RIT2: variants seen among roughly 807,000 people sequenced by gnomAD.
RIT2 encodes the protein GTP-binding protein Rit2.
In RIT2, 24 loss-of-function variants were observed where a neutral mutation model predicts 23.7. That is an observed-to-expected ratio of 1.01 (90% CI 0.73 to 1.43). RIT2 has a LOEUF of 1.43. Among genes scored for constraint, RIT2 ranks in the 40% most tolerant of loss-of-function variants. RIT2 has a pLI of 0.00. For missense variants in RIT2, 236 were observed against 266.9 expected (o/e 0.88, Z 0.81); for synonymous variants, 107 against 91.1 (o/e 1.17, Z -0.99).
intron 4 of RIT2, among the ~76,000 whole-genome samples, chr18:42,810,147 G>T (rs56117100): frequency 1.3e-5 from 2 of 149,192 alleles, no homozygotes; most frequent in Non-Finnish European, 3.0e-5. Flanking sequence ...CCAAAATCCC[G>T]AGAATAACTG....
chr18:43,095,281 G>A (rs1190217087), intron 1 of RIT2, among the ~76,000 whole-genome samples: 1 of 151,966 alleles, frequency 6.6e-6, no homozygotes, highest in East Asian at 1.9e-4. Flanking sequence ...TTATCTCATT[G>A]TGGTTTTGAT....
chr18:43,028,024 C>T (rs915022105), intron 2 of RIT2, among the ~76,000 whole-genome samples: 1 of 152,034 alleles, frequency 6.6e-6, no homozygotes, highest in African/African-American at 2.4e-5. Flanking sequence ...CAGAAAAAAG[C>T]AGGCATGTTT....
chr18:42,855,538 A>T (rs1000558738), intron 4 of RIT2, among the ~76,000 whole-genome samples: 1 of 152,200 alleles, frequency 6.6e-6, no homozygotes, highest in Non-Finnish European at 1.5e-5. Context: ...TCATCTATTC[A>T]CTTGACCCAA....
intron 4 of RIT2, among the ~76,000 whole-genome samples, chr18:42,877,276 C>T (rs960352362): frequency 1.3e-5 from 2 of 151,344 alleles, no homozygotes; most frequent in Non-Finnish European, 3.0e-5. Context: ...ATGTTTTATT[C>T]CTGCTCTATT....
chr18:42,938,873 G>A (rs1030605112), intron 3 of RIT2, among the ~76,000 whole-genome samples: 1 of 152,030 alleles, frequency 6.6e-6, no homozygotes, highest in African/African-American at 2.4e-5. Context: ...TGAGTAGCTA[G>A]GACTACAGTC....
intron 2 of RIT2, among the ~76,000 whole-genome samples, chr18:42,988,020 A>G (rs1332020005): frequency 6.6e-6 from 1 of 152,168 alleles, no homozygotes; most frequent in Non-Finnish European, 1.5e-5. Context: ...TTTCAACATG[A>G]TATTTGGAAG....
chr18:42,765,533 C>G (rs934545658), intron 4 of RIT2, among the ~76,000 whole-genome samples: 1 of 152,126 alleles, frequency 6.6e-6, no homozygotes, highest in Non-Finnish European at 1.5e-5. Flanking sequence ...TTTAAGACAG[C>G]CAACTTTCTG....
intron 1 of RIT2, among the ~76,000 whole-genome samples, chr18:43,073,011 T>A (rs1336851103): frequency 6.6e-6 from 1 of 152,152 alleles, no homozygotes; most frequent in Non-Finnish European, 1.5e-5. Flanking sequence ...TTTCAACGGA[T>A]CCCATGTGTC....
At position 43,034,350 on chromosome 18, in the gene RIT2, C is replaced by T. The variant is rs148324458; in HGVS notation, c.104-483G>A. 3.3e-3 allele frequency among the ~76,000 whole-genome samples: 499 copies of T among 152,156 alleles called. 1 individual carries two copies. Among genetic ancestry groups the T allele is most frequent in the Non-Finnish European group, 5.2e-3 (352 of 67,976 alleles). ...TACATTATTTTTGTCTTTAACTGTTCAAAATTAAAATTATTTCAGTTACTT... is the reference window on the plus strand; with the variant it reads ...TACATTATTTTTGTCTTTAACTGTTTAAAATTAAAATTATTTCAGTTACTT... On this transcript the variant is annotated intron_variant, in intron 1 of 4. Coordinates refer to ENST00000326695, the MANE Select transcript of RIT2 (RefSeq NM_002930.4).
At chr18:42,828,935 G>A (rs191841298) in intron 4 of RIT2, among the ~76,000 whole-genome samples, 95 of 152,252 alleles carry the variant, frequency 6.2e-4, no homozygotes, top group East Asian at 3.9e-4. Flanking sequence ...AGGCTCTTTG[G>A]ACAGGGCACA....
In RIT2 at chr18:43,114,598, T is replaced by C. The variant is rs1914025316; in HGVS notation, c.103+819A>G. 2.0e-5 allele frequency among the ~76,000 whole-genome samples: 3 copies of C among 152,140 alleles called. No individual in the cohort carries two copies. In the South Asian group the frequency reaches 6.2e-4, roughly 31 times the overall value. The stretch of plus-strand genomic sequence containing the variant: ...TATAAAAAGCTATATTTATTTATTT[T>C]CTAGTGATAGCCATAGCTCCGAGCT... On this transcript the variant is annotated intron_variant, in intron 1 of 4. Coordinates refer to ENST00000326695, the MANE Select transcript of RIT2 (RefSeq NM_002930.4).
intron 4 of RIT2, among the ~76,000 whole-genome samples, chr18:42,902,532 A>T (rs1908504161): frequency 1.3e-5 from 2 of 151,524 alleles, no homozygotes; most frequent in African/African-American, 4.8e-5. Flanking sequence ...TTTTTTATAT[A>T]TTGTTTAATC....
intron 1 of RIT2, among the ~76,000 whole-genome samples, chr18:43,082,490 G>A (rs1036716521): frequency 2.6e-5 from 4 of 152,112 alleles, no homozygotes; most frequent in African/African-American, 7.2e-5. Flanking sequence ...TAAAATACTG[G>A]CAAACTGAAT....
chr18:43,058,682 T>C (rs765303999), intron 1 of RIT2, among the ~76,000 whole-genome samples: 2 of 151,948 alleles, frequency 1.3e-5, no homozygotes, highest in African/African-American at 2.4e-5. Context: ...AGCCCAGGAG[T>C]TCGAGACCAG....
At chr18:42,802,234 C>T (rs997677356) in intron 4 of RIT2, among the ~76,000 whole-genome samples, 11 of 151,964 alleles carry the variant, frequency 7.2e-5, no homozygotes, top group Non-Finnish European at 1.6e-4. Flanking sequence ...AGTAAAAATG[C>T]CAAGATGCTT....
At chr18:42,846,842 A>T (rs1191678672) in intron 4 of RIT2, among the ~76,000 whole-genome samples, 1 of 152,148 alleles carries the variant, frequency 6.6e-6, no homozygotes, top group Non-Finnish European at 1.5e-5. Flanking sequence ...TTTAATGTTA[A>T]AACTTTATTT....
intron 4 of RIT2, among the ~76,000 whole-genome samples, chr18:42,858,447 G>A (rs1907243569): frequency 6.6e-6 from 1 of 152,130 alleles, no homozygotes; most frequent in Admixed American, 6.6e-5. Context: ...GAACGGGAGA[G>A]GAGAAACCCA....
At chr18:42,929,034 GATATAT>G (rs770619793) in intron 3 of RIT2, among the ~76,000 whole-genome samples, 34 of 96,946 alleles carry the variant, frequency 3.5e-4, no homozygotes, top group African/African-American at 9.1e-4. Flanking sequence ...AAAATATGGA[GATATAT>G]ATATATATAT....
At chr18:42,798,992 C>T (rs981351132) in intron 4 of RIT2, among the ~76,000 whole-genome samples, 3 of 152,178 alleles carry the variant, frequency 2.0e-5, no homozygotes, top group African/African-American at 7.2e-5. Flanking sequence ...ATTGCATAAA[C>T]TGTTTATTTT....
Sources: gnomAD v4.1 joint callset for allele counts (sites outside exome capture counted in the v4.1 genomes callset) on GRCh38, gnomAD v4.1.1 for gene constraint, MANE v1.5 for transcripts, NCBI Gene and HGNC (gene_info 2026-07-23, HGNC 2026-07-21) for gene names.